Variants in GLT1D1 observed in about 807,000 individuals in gnomAD.
GLT1D1 encodes the protein glycosyltransferase 1 domain containing 1, also known as glycosyltransferase 1 domain-containing protein 1.
GLT1D1 carries 21 observed loss-of-function variants against 28.7 expected under a neutral mutation model. The observed-to-expected ratio is 0.73, with a 90% CI of 0.52 to 1.05. The LOEUF (loss-of-function observed/expected upper bound fraction) is 1.05. GLT1D1 is among the 50% of genes least tolerant of loss of function. GLT1D1 has a pLI of 0.00. For missense variants in GLT1D1, 343 were observed against 330.6 expected, an observed-to-expected ratio of 1.04 and a Z score of -0.29; for synonymous variants, 147 against 124.8, an observed-to-expected ratio of 1.18 and a Z score of -1.19.
intron 7 of GLT1D1, among the ~76,000 whole-genome samples, chr12:128,966,322 A>T (rs1440180978): frequency 6.6e-6 from 1 of 152,202 alleles, no homozygotes; most frequent in Non-Finnish European, 1.5e-5. Flanking sequence ...ACTTTTTCTG[A>T]TGGCCACCAA....
At chr12:128,971,037 CACTTGT>C (rs972328008) in intron 7 of GLT1D1, among the ~76,000 whole-genome samples, 20 of 152,336 alleles carry the variant, frequency 1.3e-4, no homozygotes, top group Middle Eastern at 6.8e-3. Flanking sequence ...GCACGCCACA[CACTTGT>C]ACTTTAACTG....
At chr12:128,874,076 C>CTTT in intron 1 of GLT1D1, among the ~76,000 whole-genome samples, 3 of 8,934 alleles carry the variant, frequency 3.4e-4, no homozygotes, top group Admixed American at 2.0e-3. Context: ...TTCTTTCTTT[C>CTTT]TTTCTTTCTT....
At chr12:128,971,123 G>A (rs61946473) in intron 7 of GLT1D1, among the ~76,000 whole-genome samples, 42,367 of 152,038 alleles carry the variant, frequency 0.28, 6,901 homozygotes, top group East Asian at 0.37. Flanking sequence ...GGCACCTGTC[G>A]GATTTTGTCC....
rs903766902 is a variant in GLT1D1, at chr12:128,983,770, A to C, written c.*680A>C. The C allele has an allele frequency of 6.6e-6, 1 of 152,250 alleles. No homozygotes were observed. The highest frequency in any genetic ancestry group is 2.4e-5 in the African/African-American group (1 of 41,458). 9.4% of individuals were successfully genotyped at this position (152,250 alleles called of 1,614,324 possible). On this transcript the variant is annotated 3_prime_UTR_variant, in exon 8 of 8. Transcript: ENST00000281703. The surrounding 1 kb of genome is among the most constrained non-coding windows in gnomAD (Gnocchi z 4.7). ...ACCAGGAAGGAACAAGCGCCACGTC[A>C]CGCATAGCCTGCAAATCGCCCGCGT...
chr12:128,978,590 C>T (rs1246207213), intron 7 of GLT1D1, among the ~76,000 whole-genome samples: 1 of 152,164 alleles, frequency 6.6e-6, no homozygotes, highest in Non-Finnish European at 1.5e-5. Flanking sequence ...CTGCTGATCT[C>T]TCCCTCCCAT....
chr12:128,931,917 GCACACA>G (rs372135029), intron 4 of GLT1D1, among the ~76,000 whole-genome samples: 4 of 141,102 alleles, frequency 2.8e-5, no homozygotes, highest in South Asian at 2.2e-4. Context: ...ACACACGCAC[GCACACA>G]CACACACACA....
chr12:128,914,279 G>A (rs951099326), intron 4 of GLT1D1, among the ~76,000 whole-genome samples: 1 of 151,954 alleles, frequency 6.6e-6, no homozygotes, highest in African/African-American at 2.4e-5. Context: ...TTTCACATGG[G>A]GCTTAGCTGA....
intron 7 of GLT1D1, among the ~76,000 whole-genome samples, chr12:128,976,262 G>C (rs889634383): frequency 6.6e-6 from 1 of 152,260 alleles, no homozygotes; most frequent in East Asian, 1.9e-4. Flanking sequence ...AATCCCCTGG[G>C]GGCGCTGTTG....
intron 2 of GLT1D1, among the ~76,000 whole-genome samples, chr12:128,881,530 T>G (rs1957043219): frequency 3.3e-5 from 1 of 30,066 alleles, no homozygotes; most frequent in Non-Finnish European, 6.0e-5. Flanking sequence ...TGAGACTCTG[T>G]ATCGAAAAAA....
At chr12:128,912,288 G>A (rs2135885525) in intron 4 of GLT1D1, 136 bp from the exon 5 acceptor site, 2 of 495,890 alleles carry the variant, frequency 4.0e-6, no homozygotes, top group East Asian at 6.3e-5. Flanking sequence ...AAGTCTATGA[G>A]CAGCTGTGTA....
intron 4 of GLT1D1, chr12:128,944,828 G>A (rs990614374): frequency 2.9e-5 from 7 of 244,332 alleles, no homozygotes; most frequent in African/African-American, 4.6e-5. Context: ...ATAAAGTTCT[G>A]GGGTACATGT....
intron 3 of GLT1D1, 95 bp from the exon 4 acceptor site, chr12:128,899,141 C>T (rs939513814): frequency 1.5e-5 from 13 of 867,956 alleles, no homozygotes; most frequent in East Asian, 1.5e-4. Context: ...TAGTGTCTCA[C>T]GTTGTCTCTC....
chr12:128,964,553 T>G (rs1487993441), intron 7 of GLT1D1, among the ~76,000 whole-genome samples: 2 of 152,226 alleles, frequency 1.3e-5, no homozygotes, highest in Non-Finnish European at 2.9e-5. Flanking sequence ...GTGATGGACA[T>G]GGTTCCCTCT....
intron 7 of GLT1D1, among the ~76,000 whole-genome samples, chr12:128,959,449 AACG>A (rs1877696115): frequency 3.5e-5 from 1 of 28,706 alleles, no homozygotes; most frequent in African/African-American, 1.1e-4. Context: ...CGGGGTGGGG[AACG>A]GCGGGTGGTG....
chr12:128,927,986 C>A (rs375492026), intron 4 of GLT1D1, among the ~76,000 whole-genome samples: 1 of 80,832 alleles, frequency 1.2e-5, no homozygotes, highest in Non-Finnish European at 2.2e-5. Flanking sequence ...GCCGACAGAG[C>A]AAGACTCTGT....
intron 6 of GLT1D1, among the ~76,000 whole-genome samples, chr12:128,955,766 G>A (rs3893974): frequency 0.45 from 67,984 of 151,012 alleles, 16,435 homozygotes; most frequent in Non-Finnish European, 0.54. Context: ...CACGTCAAAC[G>A]GGAGACACAT....
chr12:128,938,464 C>CTTAA (rs1245321402), intron 4 of GLT1D1, among the ~76,000 whole-genome samples: 1 of 152,214 alleles, frequency 6.6e-6, no homozygotes, highest in African/African-American at 2.4e-5. Context: ...TGTCAACGAG[C>CTTAA]TTAACATTAC....
At chr12:128,929,572 C>CA (rs1438577464) in intron 4 of GLT1D1, among the ~76,000 whole-genome samples, 2 of 151,986 alleles carry the variant, frequency 1.3e-5, no homozygotes, top group African/African-American at 2.4e-5. Context: ...CTAGGGACCC[C>CA]AAAAAAGCAT....
chr12:128,915,090 A>C, intron 4 of GLT1D1, 101 bp downstream of exon 6: 1 of 894,380 alleles, frequency 1.1e-6, no homozygotes, highest in Non-Finnish European at 1.7e-6. Flanking sequence ...AGTGGTTGTC[A>C]GAGAGAACAA....
Sources: allele counts gnomAD v4.1 joint callset (sites outside exome capture counted in the v4.1 genomes callset), GRCh38; gene constraint gnomAD v4.1.1; non-coding constraint Gnocchi (gnomAD v3.1); transcripts MANE v1.5; gene names NCBI Gene and HGNC (gene_info 2026-07-23, HGNC 2026-07-21).